The following SPAG16 variants were observed in gnomAD, a reference collection of about 807,000 sequenced individuals.
SPAG16 encodes the protein sperm-associated antigen 16 protein.
SPAG16 carries 86 observed loss-of-function variants against 80.4 expected under a neutral mutation model. The ratio of observed to expected loss-of-function variants is 1.07; its 90% CI spans 0.90 to 1.28. The LOEUF is 1.28. Ranked by LOEUF, SPAG16 falls within the 50% of genes most tolerant of loss-of-function variation. The pLI, the probability that SPAG16 is intolerant of heterozygous loss-of-function variation, is 0.00. For missense variants in SPAG16, 870 were observed against 765.3 expected, an observed-to-expected ratio of 1.14 and a Z score of -1.61; for synonymous variants, 294 against 265.9, an observed-to-expected ratio of 1.11 and a Z score of -1.03.
chr2:213,362,069 C>A (rs1289343441), intron 7 of SPAG16, among the ~76,000 whole-genome samples: 1 of 151,916 alleles, frequency 6.6e-6, no homozygotes, highest in African/African-American at 2.4e-5. Context: ...TGTCCAGTTG[C>A]CCAGATGTTG....
intron 10 of SPAG16, among the ~76,000 whole-genome samples, chr2:213,589,979 C>T (rs1425440939): frequency 2.0e-5 from 3 of 151,414 alleles, no homozygotes; most frequent in Admixed American, 1.3e-4. Context: ...TCTGAGTTTA[C>T]ATTTTGTCAT....
chr2:214,115,876 C>CAAAA (rs34111831), intron 14 of SPAG16, among the ~76,000 whole-genome samples: 3 of 66,126 alleles, frequency 4.5e-5, no homozygotes, highest in African/African-American at 5.7e-5. Flanking sequence ...GACTCCATCT[C>CAAAA]AAAAAAAAAA....
At position 214,399,149 on chromosome 2, in the gene SPAG16, G is replaced by C. The variant is rs1701567830; in HGVS notation, c.1721-10991G>C. ...TTCAGAGCTAATCTATGATTTCAGA[G>C]AGTTTAATATTTTTTAATCATCCGA... On this transcript the variant is annotated intron_variant, in intron 15 of 15. Coordinates refer to ENST00000331683, the MANE Select transcript of SPAG16 (RefSeq NM_024532.5). Among the ~76,000 whole-genome samples the C allele has an allele frequency of 2.0e-5, 3 of 152,062 alleles. 1 individual carries two copies. In the South Asian group the frequency reaches 6.2e-4, roughly 31 times the overall value.
Position 213,780,569 on chromosome 2 carries a change from T to TCC in SPAG16, c.1071-81916_1071-81915insCC, listed in dbSNP as rs1374605917. Among the ~76,000 whole-genome samples the TCC allele has an allele frequency of 2.5e-4, 29 of 115,558 alleles. No individual in the cohort carries two copies. In the East Asian group the frequency reaches 7.6e-3, roughly 30 times the overall value. 75.8% of individuals were successfully genotyped at this position (115,558 alleles called of 152,430 possible). On this transcript the variant is annotated intron_variant, in intron 10 of 15. Coordinates refer to ENST00000331683, the MANE Select transcript of SPAG16 (RefSeq NM_024532.5). Reference sequence around the variant, plus strand: ...GCAGGTCCAAACATTTTTCTTTTCTTTCTTTTTTTTTTTTTTTTTTGGTGG... The same window carrying TCC: ...GCAGGTCCAAACATTTTTCTTTTCTTCCTCTTTTTTTTTTTTTTTTTTGGTGG...
At chr2:214,235,610 C>T (rs1355461966) in intron 15 of SPAG16, among the ~76,000 whole-genome samples, 1 of 152,046 alleles carries the variant, frequency 6.6e-6, no homozygotes, top group African/African-American at 2.4e-5. Flanking sequence ...CTCTGACACC[C>T]TCTTTATTCC....
Position 213,833,928 on chromosome 2 carries a change from T to A in SPAG16, c.1071-28557T>A, listed in dbSNP as rs2662641. Among the ~76,000 whole-genome samples the A allele has an allele frequency of 1.3e-3, 198 of 151,574 alleles. No homozygotes were observed. The Middle Eastern group carries it at 0.014, about 10-fold the overall frequency. On this transcript the variant is annotated intron_variant, in intron 10 of 15. Coordinates refer to ENST00000331683, the MANE Select transcript of SPAG16 (RefSeq NM_024532.5). ...ACAGATGATATGGTTTGGCTGTGTC[T>A]GCACCCAAATCTCAACTTGAATTTT...
chr2:213,603,924 G>A (rs1441536826), intron 10 of SPAG16, among the ~76,000 whole-genome samples: 1 of 149,676 alleles, frequency 6.7e-6, no homozygotes, highest in South Asian at 2.1e-4. Flanking sequence ...AAGACTTCCT[G>A]GTTTTTTTTT....
chr2:213,962,197 G>GT (rs1428699030), intron 12 of SPAG16, among the ~76,000 whole-genome samples: 3,081 of 141,394 alleles, frequency 0.022, 88 homozygotes, highest in African/African-American at 0.06. Context: ...CTTTTTTTAT[G>GT]TTTTTTTTTT....
At chr2:213,911,835 CAAA>C (rs10644766) in intron 11 of SPAG16, among the ~76,000 whole-genome samples, 7 of 126,144 alleles carry the variant, frequency 5.5e-5, no homozygotes, top group Admixed American at 8.2e-5. Context: ...AAACAGTTAG[CAAA>C]AAAAAAAAAA....
At chr2:213,873,281 C>A (rs2076020526) in intron 11 of SPAG16, among the ~76,000 whole-genome samples, 1 of 151,858 alleles carries the variant, frequency 6.6e-6, no homozygotes, top group African/African-American at 2.4e-5. Flanking sequence ...CCATTTTTTT[C>A]TCATATTTGT....
chr2:213,833,209 A>C (rs1003249277), intron 10 of SPAG16, among the ~76,000 whole-genome samples: 7 of 149,882 alleles, frequency 4.7e-5, no homozygotes, highest in Non-Finnish European at 1.0e-4. Context: ...CTCGCTTCAA[A>C]TACTGTTTTC....
In SPAG16 at chr2:214,374,738, A is replaced by G. The variant is rs1700027191; in HGVS notation, c.1721-35402A>G. On this transcript the variant is annotated intron_variant, in intron 15 of 15. Transcript: ENST00000331683. ...AGCTAATCATTATATGAAATAGAAC[A>G]TTAGATTTCTGCAACAAAGTTGCAT... Among the ~76,000 whole-genome samples, 3 of 152,346 alleles carry G rather than the reference A, an allele frequency of 2.0e-5. No homozygotes were observed. In the South Asian group the frequency reaches 6.2e-4, roughly 32 times the overall value.
chr2:214,099,134 T>A (rs71428326), intron 13 of SPAG16, among the ~76,000 whole-genome samples: 13,475 of 152,108 alleles, frequency 0.089, 780 homozygotes, highest in East Asian at 0.28. Flanking sequence ...GAACTGTTGC[T>A]AATTGATTAG....
intron 13 of SPAG16, among the ~76,000 whole-genome samples, chr2:214,045,821 C>T (rs2049290185): frequency 1.3e-5 from 2 of 151,756 alleles, no homozygotes; most frequent in South Asian, 4.2e-4. Context: ...AAGAGCAAAC[C>T]AAATGCAAAA....
At chr2:213,381,084 A>ATAG (rs59516920) in intron 9 of SPAG16, among the ~76,000 whole-genome samples, 1 of 36,782 alleles carries the variant, frequency 2.7e-5, no homozygotes, top group African/African-American at 7.1e-5. Flanking sequence ...CACTGGGCTT[A>ATAG]CCGTAAAATA....
chr2:213,989,166 A>G (rs1452891351), intron 12 of SPAG16, among the ~76,000 whole-genome samples: 2 of 152,122 alleles, frequency 1.3e-5, no homozygotes, highest in Admixed American at 1.3e-4. Flanking sequence ...GACAATAAGA[A>G]TGATTCTCCA....
At chr2:214,262,192 G>A (rs1331441469) in intron 15 of SPAG16, among the ~76,000 whole-genome samples, 2 of 151,802 alleles carry the variant, frequency 1.3e-5, no homozygotes, top group South Asian at 2.1e-4. Context: ...TATTATATAA[G>A]AAAAACATTT....
At chr2:213,463,243 A>C (rs1454473955) in intron 9 of SPAG16, among the ~76,000 whole-genome samples, 1 of 152,250 alleles carries the variant, frequency 6.6e-6, no homozygotes, top group Non-Finnish European at 1.5e-5. Context: ...GAAGTAGAAC[A>C]CAAAAGTTTG....
At chr2:214,250,818 CAGAGTTTAAACCAGA>C (rs1174097694) in intron 15 of SPAG16, among the ~76,000 whole-genome samples, 1 of 136,268 alleles carries the variant, frequency 7.3e-6, no homozygotes, top group African/African-American at 2.7e-5. Flanking sequence ...AAAGGCAAAG[CAGAGTTTAAACCAGA>C]AGCACTTTTG....
Sources: gnomAD v4.1 joint callset for allele counts (sites outside exome capture counted in the v4.1 genomes callset) on GRCh38, gnomAD v4.1.1 for gene constraint, MANE v1.5 for transcripts, NCBI Gene and HGNC (gene_info 2026-07-23, HGNC 2026-07-21) for gene names.